The following PALM2AKAP2 variants were observed in gnomAD, a reference collection of about 807,000 sequenced individuals.
The protein encoded by PALM2AKAP2 is PALM2 and AKAP2 fusion.
In PALM2AKAP2, 37 loss-of-function variants were observed where a neutral mutation model predicts 71.5. The ratio of observed to expected loss-of-function variants is 0.52; its 90% CI spans 0.40 to 0.68. The LOEUF (loss-of-function observed/expected upper bound fraction) is 0.68, where lower values mean the gene tolerates loss of function less well. PALM2AKAP2 is among the 30% of genes least tolerant of loss of function. The pLI is 0.00. For synonymous variants in PALM2AKAP2, 468 were observed against 478.8 expected (o/e 0.98, Z 0.29); for missense variants, 1,224 against 1,191.8 (o/e 1.03, Z -0.40).
At chr9:109,811,854 T>C (rs558264085) in intron 1 of PALM2AKAP2, among the ~76,000 whole-genome samples, 2 of 152,366 alleles carry the variant, frequency 1.3e-5, no homozygotes, top group African/African-American at 4.8e-5. Flanking sequence ...ATTATAGGCA[T>C]GAGCCACTGT....
chr9:109,930,822 G>C (rs563249183), intron 5 of PALM2AKAP2, among the ~76,000 whole-genome samples: 2 of 152,346 alleles, frequency 1.3e-5, no homozygotes, highest in East Asian at 3.9e-4. Context: ...CCAGCAGGGG[G>C]AAGAGTGAAG....
intron 1 of PALM2AKAP2, among the ~76,000 whole-genome samples, chr9:109,862,397 G>T (rs1829333271): frequency 6.6e-6 from 1 of 152,174 alleles, no homozygotes; most frequent in African/African-American, 2.4e-5. Context: ...CCCTCTGCAT[G>T]TTGACTTTAT....
chr9:109,992,813 A>G (rs1171164664), intron 6 of PALM2AKAP2, among the ~76,000 whole-genome samples: 1 of 152,032 alleles, frequency 6.6e-6, no homozygotes, highest in African/African-American at 2.4e-5. Context: ...TGACTCTACT[A>G]AATCCTGGGA....
intron 1 of PALM2AKAP2, among the ~76,000 whole-genome samples, chr9:110,083,120 A>G (rs1834485298): frequency 6.6e-6 from 1 of 152,210 alleles, no homozygotes; most frequent in African/African-American, 2.4e-5. Context: ...CAGCCTGGGC[A>G]ACAAGAGTGA....
chr9:109,760,667 G>C (rs1228625200), intron 1 of PALM2AKAP2: 1 of 152,200 alleles, frequency 6.6e-6, no homozygotes, highest in Non-Finnish European at 1.5e-5. Context: ...CTGGAAGGAA[G>C]AGCTTCTCGC....
chr9:110,091,510 TGGG>T (rs1834711045), intron 1 of PALM2AKAP2, among the ~76,000 whole-genome samples: 1 of 134,972 alleles, frequency 7.4e-6, no homozygotes, highest in South Asian at 2.4e-4. Context: ...TCGCCCAGGC[TGGG>T]GTGCAGTAGC....
chr9:110,113,722 G>T (rs1042720345), intron 1 of PALM2AKAP2, among the ~76,000 whole-genome samples: 1 of 152,016 alleles, frequency 6.6e-6, no homozygotes, highest in Non-Finnish European at 1.5e-5. Context: ...TAGTAGAGAT[G>T]GGTTTTCATC....
chr9:109,662,289 T>C lies in PALM2AKAP2; in HGVS notation c.5+21423T>C, dbSNP rs142258338. 6.2e-4 allele frequency among the ~76,000 whole-genome samples: 94 copies of C among 152,350 alleles called. 1 individual carries two copies. The highest frequency in any genetic ancestry group is 2.2e-3 in the African/African-American group (92 of 41,580). ...TCCAGTTTTTGCCCATTCAATATGATATTGGCTGTGGATTTGTCACAAATA... is the reference window on the plus strand; with the variant it reads ...TCCAGTTTTTGCCCATTCAATATGACATTGGCTGTGGATTTGTCACAAATA... On this transcript the variant is annotated intron_variant, in intron 1 of 6. Coordinates refer to the PALM2AKAP2 transcript ENST00000374531.
chr9:109,671,876 A>G (rs1024100142), intron 1 of PALM2AKAP2, among the ~76,000 whole-genome samples: 4 of 152,188 alleles, frequency 2.6e-5, no homozygotes, highest in African/African-American at 9.6e-5. Flanking sequence ...ATGGGAGTGC[A>G]TTTCTGATTT....
intron 1 of PALM2AKAP2, among the ~76,000 whole-genome samples, chr9:110,104,412 C>T (rs554346591): frequency 6.6e-6 from 1 of 152,230 alleles, no homozygotes; most frequent in South Asian, 2.1e-4. Context: ...AATACATACT[C>T]ATGGTAAAAA....
chr9:110,020,978 C>T (rs902930608), intron 7 of PALM2AKAP2, among the ~76,000 whole-genome samples: 6 of 151,860 alleles, frequency 4.0e-5, no homozygotes, highest in Non-Finnish European at 7.4e-5. Flanking sequence ...TGGTGGCACA[C>T]GCCTGTAATC....
intron 1 of PALM2AKAP2, among the ~76,000 whole-genome samples, chr9:109,766,346 G>A (rs1268074027): frequency 6.6e-6 from 1 of 152,194 alleles, no homozygotes; most frequent in South Asian, 2.1e-4. Context: ...CCTAAATGTG[G>A]TTCAGGTGTA....
intron 1 of PALM2AKAP2, among the ~76,000 whole-genome samples, chr9:109,753,259 G>A (rs751892126): frequency 5.9e-5 from 9 of 152,126 alleles, no homozygotes; most frequent in Non-Finnish European, 1.0e-4. Context: ...TTACTACTGA[G>A]CGCTGAAGCA....
At chr9:109,654,102 ATTC>A (rs1202755717) in intron 1 of PALM2AKAP2, among the ~76,000 whole-genome samples, 1 of 152,252 alleles carries the variant, frequency 6.6e-6, no homozygotes, top group Non-Finnish European at 1.5e-5. Context: ...TCCTAAAAAT[ATTC>A]TTCTTTGGTC....
intron 1 of PALM2AKAP2, among the ~76,000 whole-genome samples, chr9:109,747,740 G>A (rs1431112351): frequency 6.6e-6 from 1 of 151,964 alleles, no homozygotes; most frequent in Non-Finnish European, 1.5e-5. Context: ...CATGATCTCG[G>A]CTCACTGCAA....
intron 3 of PALM2AKAP2, 77 bp from the exon 4 acceptor site, chr9:109,923,658 A>G: frequency 6.8e-7 from 1 of 1,462,440 alleles, no homozygotes; most frequent in Non-Finnish European, 9.1e-7. Context: ...CAAATCGCCC[A>G]ACAGGAAGGA....
intron 1 of PALM2AKAP2, 140 bp from the exon 2 acceptor site, chr9:109,867,351 G>T: frequency 4.6e-6 from 4 of 869,466 alleles, no homozygotes; most frequent in Non-Finnish European, 3.6e-6. Flanking sequence ...AGACGGTGGG[G>T]CAGGTGACAC....
At chr9:109,717,967 A>C (rs1828351736) in intron 1 of PALM2AKAP2, among the ~76,000 whole-genome samples, 1 of 152,240 alleles carries the variant, frequency 6.6e-6, no homozygotes, top group African/African-American at 2.4e-5. Flanking sequence ...GGGAGGCCAT[A>C]AACTTTGGTG....
At chr9:110,147,961 T>A (rs189801032) in intron 2 of PALM2AKAP2, among the ~76,000 whole-genome samples, 3 of 152,106 alleles carry the variant, frequency 2.0e-5, no homozygotes, top group Non-Finnish European at 1.5e-5. Flanking sequence ...GAATAATGAG[T>A]TTTCAGTAGT....
Sources: allele counts gnomAD v4.1 joint callset (sites outside exome capture counted in the v4.1 genomes callset), GRCh38; gene constraint gnomAD v4.1.1; transcripts MANE v1.5; gene names NCBI Gene and HGNC (gene_info 2026-07-23, HGNC 2026-07-21).